The following PLXNA4 variants were observed in gnomAD, a reference collection of about 807,000 sequenced individuals.
PLXNA4 encodes the protein plexin-A4.
A neutral mutation model predicts 191.8 loss-of-function variants in PLXNA4; 44 were observed. The observed-to-expected ratio is 0.23, with a 90% CI of 0.18 to 0.29. The LOEUF (loss-of-function observed/expected upper bound fraction) is 0.29, where lower values mean the gene tolerates loss of function less well. PLXNA4 is among the 10% of genes least tolerant of loss of function. The pLI, the probability that PLXNA4 is intolerant of heterozygous loss-of-function variation, is 1.00. For missense variants in PLXNA4, 1,800 were observed against 2,488.8 expected (o/e 0.72, Z 5.89); for synonymous variants, 1,082 against 1,009.5 (o/e 1.07, Z -1.36).
intron 9 of PLXNA4, 59 bp downstream of exon 9, chr7:132,223,468 C>T: frequency 7.0e-7 from 1 of 1,428,252 alleles, no homozygotes; most frequent in Non-Finnish European, 9.7e-7. Flanking sequence ...GAATGCCTCT[C>T]TTCTGTGTCC....
At chr7:132,258,424 G>C (rs1400543680) in intron 4 of PLXNA4, among the ~76,000 whole-genome samples, 3 of 152,204 alleles carry the variant, frequency 2.0e-5, no homozygotes, top group Non-Finnish European at 4.4e-5. Flanking sequence ...GCACGAATGG[G>C]CTGGCGTCAG....
At chr7:132,343,299 G>C (rs1803111428) in intron 3 of PLXNA4, among the ~76,000 whole-genome samples, 1 of 152,154 alleles carries the variant, frequency 6.6e-6, no homozygotes, top group African/African-American at 2.4e-5. Context: ...GCAGTGTTAA[G>C]AACATTCACA....
intron 21 of PLXNA4, among the ~76,000 whole-genome samples, chr7:132,170,802 C>T (rs778225757): frequency 1.3e-5 from 2 of 152,236 alleles, no homozygotes; most frequent in African/African-American, 2.4e-5. Flanking sequence ...GGTCTGGAAG[C>T]TGTAGGAAAC....
intron 4 of PLXNA4, among the ~76,000 whole-genome samples, chr7:132,251,051 CTTTTTTT>C (rs34455636): frequency 2.3e-5 from 3 of 130,036 alleles, no homozygotes; most frequent in South Asian, 2.5e-4. Context: ...CTGTTCCAGC[CTTTTTTT>C]TTTTTTTTTT....
rs534452051 is a variant in PLXNA4, at chr7:132,539,068, C to T, written c.-86-30289G>A. 2.4e-4 allele frequency among the ~76,000 whole-genome samples: 36 copies of T among 152,218 alleles called. 1 individual carries two copies. Among genetic ancestry groups the T allele is most frequent in the Admixed American group, 8.5e-4 (13 of 15,276 alleles). On this transcript the variant is annotated intron_variant, in intron 1 of 31. Coordinates refer to ENST00000321063, the MANE Select transcript of PLXNA4 (RefSeq NM_020911.2). ...CCCTGTGACTGCTGCCACCCTCTCA[C>T]CCTCCTTGCTCTTCTCTCTCCCTGC...
intron 3 of PLXNA4, among the ~76,000 whole-genome samples, chr7:132,333,051 T>C (rs970986267): frequency 6.6e-6 from 1 of 152,212 alleles, no homozygotes; most frequent in Non-Finnish European, 1.5e-5. Flanking sequence ...ACTGCTTTCA[T>C]GACACATTAA....
At chr7:132,596,053 A>G (rs960171538) in intron 2 of PLXNA4, among the ~76,000 whole-genome samples, 5 of 152,242 alleles carry the variant, frequency 3.3e-5, no homozygotes, top group African/African-American at 1.2e-4. Context: ...ACCAAGATCC[A>G]ATCAAAATTC....
chr7:132,584,582 T>C (rs575389942), intron 2 of PLXNA4, among the ~76,000 whole-genome samples: 4 of 152,340 alleles, frequency 2.6e-5, no homozygotes, highest in African/African-American at 9.6e-5. Context: ...TAAATCTATG[T>C]ATGCTGCTCT....
At chr7:132,240,937 G>T in intron 5 of PLXNA4, 129 bp downstream of exon 5, 1 of 610,444 alleles carries the variant, frequency 1.6e-6, no homozygotes, top group Non-Finnish European at 2.7e-6. Flanking sequence ...AGGATGCAAG[G>T]AAGGAAGAGC....
intron 6 of PLXNA4, among the ~76,000 whole-genome samples, chr7:132,228,081 C>T (rs1032049459): frequency 5.9e-5 from 9 of 152,146 alleles, no homozygotes; most frequent in South Asian, 2.1e-4. Context: ...TCTTTGTCAC[C>T]CTTTGGTCAT....
Position 132,163,209 on chromosome 7 carries a change from G to A in PLXNA4, c.4500+933C>T, listed in dbSNP as rs142567015. 4.4e-3 allele frequency among the ~76,000 whole-genome samples: 675 copies of A among 152,278 alleles called. 8 individuals are homozygous for A. The highest frequency in any genetic ancestry group is 0.015 in the African/African-American group (637 of 41,566). ...ATCACTGTGATCTCCAAAAAATCCC[G>A]AGAGTGAGCTCCCTGGGTTTGAAAG... On this transcript the variant is annotated intron_variant, in intron 24 of 31. Coordinates refer to ENST00000321063, the MANE Select transcript of PLXNA4 (RefSeq NM_020911.2).
chr7:132,600,294 G>A (rs78586453), intron 2 of PLXNA4, among the ~76,000 whole-genome samples: 2,362 of 152,190 alleles, frequency 0.016, 24 homozygotes, highest in Non-Finnish European at 0.023. Flanking sequence ...TAGAGTTTGG[G>A]GAGATAAGAT....
At chr7:132,569,194 G>A (rs1158376919) in intron 1 of PLXNA4, among the ~76,000 whole-genome samples, 1 of 152,230 alleles carries the variant, frequency 6.6e-6, no homozygotes, top group African/African-American at 2.4e-5. Context: ...TTCACACCAG[G>A]CTTCCCTGGA....
intron 4 of PLXNA4, among the ~76,000 whole-genome samples, chr7:132,294,357 A>C (rs997998593): frequency 6.6e-6 from 1 of 151,966 alleles, no homozygotes. Context: ...AGACTAGGGG[A>C]GCAGGGAGAG....
At chr7:132,610,292 C>T (rs1189763704) in intron 2 of PLXNA4, among the ~76,000 whole-genome samples, 1 of 152,152 alleles carries the variant, frequency 6.6e-6, no homozygotes, top group East Asian at 1.9e-4. Context: ...AATCCCTGGG[C>T]CTCAATTTCT....
intron 2 of PLXNA4, among the ~76,000 whole-genome samples, chr7:132,496,793 G>T (rs910033300): frequency 6.6e-6 from 1 of 152,154 alleles, no homozygotes; most frequent in Non-Finnish European, 1.5e-5. Context: ...GCAGGGGACT[G>T]CTGGGGAAGA....
intron 10 of PLXNA4, 116 bp downstream of exon 10, chr7:132,210,827 T>G: frequency 8.6e-7 from 1 of 1,163,208 alleles, no homozygotes; most frequent in Non-Finnish European, 1.2e-6. Flanking sequence ...GGTAGGCAGT[T>G]TTGTGCGTGT....
intron 30 of PLXNA4, among the ~76,000 whole-genome samples, chr7:132,138,984 C>T (rs1795190330): frequency 6.6e-6 from 1 of 152,246 alleles, no homozygotes; most frequent in African/African-American, 2.4e-5. Context: ...CTGCCTCTTC[C>T]CCCTCTCCCT....
chr7:132,305,406 A>ACACACACACACT (rs1491312866), intron 3 of PLXNA4, among the ~76,000 whole-genome samples: 26 of 140,066 alleles, frequency 1.9e-4, no homozygotes, highest in African/African-American at 7.1e-4. Flanking sequence ...ACACACACAC[A>ACACACACACACT]CTCTACTCTG....
Sources: allele counts gnomAD v4.1 joint callset (sites outside exome capture counted in the v4.1 genomes callset), GRCh38; gene constraint gnomAD v4.1.1; transcripts MANE v1.5; gene names NCBI Gene and HGNC (gene_info 2026-07-23, HGNC 2026-07-21).